The following EGFR variants were observed in gnomAD, a reference collection of about 807,000 sequenced individuals.
EGFR encodes the protein avian erythroblastic leukemia viral (v-erb-b) oncogene homolog.
Under a neutral mutation model 143.0 loss-of-function variants are expected in EGFR, and 58 were observed. The ratio of observed to expected loss-of-function variants is 0.41; its 90% confidence interval spans 0.33 to 0.50. The LOEUF is 0.50. Among genes scored for constraint, EGFR ranks in the 20% least tolerant of loss-of-function variants. The pLI is 0.39. For synonymous variants in EGFR, 613 were observed against 594.4 expected, an observed-to-expected ratio of 1.03 and a Z score of -0.45; for missense variants, 1,307 against 1,579.0, an observed-to-expected ratio of 0.83 and a Z score of 2.92.
At chr7:55,112,908 C>G (rs752271425) in intron 1 of EGFR, among the ~76,000 whole-genome samples, 4 of 152,174 alleles carry the variant, frequency 2.6e-5, no homozygotes, top group African/African-American at 9.7e-5. Flanking sequence ...CAGGTTCCAG[C>G]CTTTGTCTTT....
Position 55,142,403 on chromosome 7 carries a change from A to C in EGFR, c.206A>C (p.Tyr69Ser). 1 of 1,614,182 alleles carries C rather than the reference A, an allele frequency of 6.2e-7. No individual in the cohort carries two copies. The highest frequency in any genetic ancestry group is 1.1e-5 in the South Asian group (1 of 91,088). Residue 69 changes from tyrosine (Y) to serine (S), a missense_variant, in exon 2 of 28, where the codon TAT becomes TCT. By Grantham distance (144) the Tyr-to-Ser change is moderately radical. Around this residue, in one of 7 missense-constraint regions of EGFR, gnomAD observed 311 missense variants for 412.3 expected, o/e 0.75. Coordinates refer to ENST00000275493, the MANE Select transcript of EGFR (RefSeq NM_005228.5). ...GTCCTTGGGAATTTGGAAATTACCT[A>C]TGTGCAGAGGAATTATGATCTTTCC... ...EVVLGNLEITYVQRNYDLSFL... is the reference protein window; with the variant it reads ...EVVLGNLEITSVQRNYDLSFL...
chr7:55,055,564 C>T (rs1306068252), intron 1 of EGFR, among the ~76,000 whole-genome samples: 1 of 152,204 alleles, frequency 6.6e-6, no homozygotes, highest in East Asian at 1.9e-4. Context: ...TATAACATAT[C>T]ATATGCATAA....
intron 1 of EGFR, among the ~76,000 whole-genome samples, chr7:55,102,284 A>G (rs1186132817): frequency 6.6e-6 from 1 of 151,736 alleles, no homozygotes; most frequent in Non-Finnish European, 1.5e-5. Context: ...TCCTCTCCCC[A>G]TCTCTCAGCC....
chr7:55,100,935 C>T (rs1276016839), intron 1 of EGFR, among the ~76,000 whole-genome samples: 1 of 152,262 alleles, frequency 6.6e-6, no homozygotes, highest in East Asian at 1.9e-4. Flanking sequence ...TAAAAAATTG[C>T]TGCTGTGAAT....
intron 1 of EGFR, among the ~76,000 whole-genome samples, chr7:55,048,054 T>C (rs1788281653): frequency 6.6e-6 from 1 of 152,210 alleles, no homozygotes; most frequent in South Asian, 2.1e-4. Context: ...TATTTTATAG[T>C]GCTCAAATAT....
intron 1 of EGFR, among the ~76,000 whole-genome samples, chr7:55,022,824 G>C (rs573116139): frequency 2.2e-4 from 34 of 152,326 alleles, no homozygotes; most frequent in African/African-American, 8.2e-4. Flanking sequence ...TGAAGACACC[G>C]ATTGCCGAAA....
At chr7:55,098,155 G>C (rs553326540) in intron 1 of EGFR, among the ~76,000 whole-genome samples, 1 of 152,294 alleles carries the variant, frequency 6.6e-6, no homozygotes, top group South Asian at 2.1e-4. Flanking sequence ...GCCTCCATCT[G>C]GTTGCAGACC....
intron 22 of EGFR, 70 bp downstream of exon 22, chr7:55,192,911 C>T: frequency 7.7e-7 from 1 of 1,292,568 alleles, no homozygotes; most frequent in South Asian, 1.2e-5. Context: ...AGTTAATTTA[C>T]ATTATATCCT....
At chr7:55,198,602 G>A in intron 22 of EGFR, 115 bp from the exon 23 acceptor site, 5 of 1,531,838 alleles carry the variant, frequency 3.3e-6, no homozygotes, top group Non-Finnish European at 3.6e-6. Context: ...CAAGACTACA[G>A]AAATGTAGGT....
intron 22 of EGFR, among the ~76,000 whole-genome samples, chr7:55,194,162 C>T (rs1486230839): frequency 6.6e-6 from 1 of 152,012 alleles, no homozygotes; most frequent in Non-Finnish European, 1.5e-5. Context: ...TCCTGCTGGT[C>T]TCCCCTCTTC....
At chr7:55,165,083 G>A (rs1313753268) in intron 14 of EGFR, among the ~76,000 whole-genome samples, 197 bp from the exon 15 acceptor site, 1 of 152,190 alleles carries the variant, frequency 6.6e-6, no homozygotes, top group Non-Finnish European at 1.5e-5. Context: ...CAAAAACAGG[G>A]AGAACTTCTA....
chr7:55,098,630 T>C lies in EGFR; in HGVS notation c.89-43656T>C, dbSNP rs376549553. On this transcript the variant is annotated intron_variant, in intron 1 of 27. Transcript: ENST00000275493. ...ACTGTATGCATATTGTTGTTAAGTATTTTTTCTGTTTGCTTATCTATAATT... is the reference window on the plus strand; with the variant it reads ...ACTGTATGCATATTGTTGTTAAGTACTTTTTCTGTTTGCTTATCTATAATT... Among the ~76,000 whole-genome samples the C allele has an allele frequency of 2.2e-4, 34 of 152,338 alleles. 1 individual carries two copies. The East Asian group carries it at 4.8e-3, about 22-fold the overall frequency.
At chr7:55,156,968 ATT>A in intron 10 of EGFR, 136 bp downstream of exon 10, 1 of 1,529,210 alleles carries the variant, frequency 6.5e-7, no homozygotes, top group Middle Eastern at 2.1e-4. Context: ...ATGTTTTGAT[ATT>A]TTTCAAAAGT....
Position 55,146,684 on chromosome 7 carries a change from T to G in EGFR, c.503T>G (p.Val168Gly). The part of the protein sequence containing the change: ...NVESIQWRDI[V>G]SSDFLSNMSM... ...GAGAGCATCCAGTGGCGGGACATAG[T>G]CAGCAGTGACTTTCTCAGCAACATG... is the stretch of plus-strand genomic sequence containing the variant. The change falls in exon 4 of 28, where the codon GTC (valine) becomes GGC (glycine). Residue 168 changes from valine to glycine, a missense_variant. Around this residue, in one of 7 missense-constraint regions of EGFR, gnomAD observed 311 missense variants for 412.3 expected, o/e 0.75. Transcript: ENST00000275493. The G allele has an allele frequency of 6.2e-7, 1 of 1,614,032 alleles. No individual in the cohort carries two copies. Among genetic ancestry groups the G allele is most frequent in the Non-Finnish European group, 8.5e-7 (1 of 1,179,954 alleles).
Position 55,205,985 on chromosome 7 carries a change from G to A in EGFR, c.*368G>A, listed in dbSNP as rs1365268752. The A allele has an allele frequency of 7.6e-6, 3 of 395,218 alleles. No homozygotes were observed. Among genetic ancestry groups the A allele is most frequent in the African/African-American group, 6.1e-5 (3 of 49,080 alleles). 24.5% of individuals were successfully genotyped at this position (395,218 alleles called of 1,614,324 possible). ...TCGCTATTGATTTTTACTTCAATGG[G>A]CTCTTCCAACAAGGAAGAAGCTTGC... is the stretch of plus-strand genomic sequence containing the variant. On this transcript the variant is annotated 3_prime_UTR_variant, in exon 28 of 28. Coordinates refer to ENST00000275493, the MANE Select transcript of EGFR (RefSeq NM_005228.5).
intron 11 of EGFR, among the ~76,000 whole-genome samples, chr7:55,158,644 G>A (rs1324445367): frequency 6.6e-6 from 1 of 152,226 alleles, no homozygotes; most frequent in African/African-American, 2.4e-5. Context: ...TGGCTTAGTT[G>A]TAGGGATTTA....
In EGFR at chr7:55,019,288, C is replaced by G. The variant is rs771210838; in HGVS notation, c.11C>G (p.Ser4Cys). The change falls in exon 1 of 28, where the codon TCC becomes TGC. Residue 4 changes from serine (S) to cysteine (C), a missense_variant. Physicochemically the swap from Ser to Cys is moderately radical, Grantham distance 112. Coordinates refer to ENST00000275493, the MANE Select transcript of EGFR (RefSeq NM_005228.5). ...CTTCGGGGAGCAGCGATGCGACCCTCCGGGACGGCCGGGGCAGCGCTCCTG... is the reference window on the plus strand; with the variant it reads ...CTTCGGGGAGCAGCGATGCGACCCTGCGGGACGGCCGGGGCAGCGCTCCTG... MRP[S>C]GTAGAALLAL... The G allele has an allele frequency of 6.6e-7, 1 of 1,505,826 alleles. No individual in the cohort carries two copies. The highest frequency in any genetic ancestry group is 1.4e-5 in the African/African-American group (1 of 69,334). 93.3% of individuals were successfully genotyped at this position (1,505,826 alleles called of 1,614,324 possible).
chr7:55,055,329 G>A (rs1293122120), intron 1 of EGFR, among the ~76,000 whole-genome samples: 1 of 152,130 alleles, frequency 6.6e-6, no homozygotes, highest in East Asian at 1.9e-4. Context: ...GGCCCTACAG[G>A]TATTTTTTTA....
intron 1 of EGFR, among the ~76,000 whole-genome samples, chr7:55,088,910 T>G (rs1418099350): frequency 6.6e-6 from 1 of 152,232 alleles, no homozygotes; most frequent in East Asian, 1.9e-4. Flanking sequence ...GTATTTTACG[T>G]ACATCATGCA....
Sources: allele counts gnomAD v4.1 joint callset (sites outside exome capture counted in the v4.1 genomes callset), GRCh38; gene constraint gnomAD v4.1.1; regional missense constraint gnomAD v4.1.1; transcripts MANE v1.5; gene names NCBI Gene and HGNC (gene_info 2026-07-23, HGNC 2026-07-21).